Variants in ALDH3B2 observed in about 807,000 individuals in gnomAD.
ALDH3B2 encodes aldehyde dehydrogenase family 3 member B2.
ALDH3B2 carries 45 observed loss-of-function variants against 36.7 expected under a neutral mutation model. The ratio of observed to expected loss-of-function variants is 1.23; its 90% CI spans 0.97 to 1.57. The LOEUF (loss-of-function observed/expected upper bound fraction) is 1.57, where lower values mean the gene tolerates loss of function less well. Ranked by LOEUF, ALDH3B2 falls within the 40% of genes most tolerant of loss-of-function variation. ALDH3B2 has a pLI of 0.00. For synonymous variants in ALDH3B2, 217 were observed against 226.5 expected (o/e 0.96, Z 0.38); for missense variants, 464 against 513.3 (o/e 0.90, Z 0.93).
At chr11:67,663,335 G>T in exon 10 of ALDH3B2, 1 of 1,614,170 alleles carries the variant, frequency 6.2e-7, no homozygotes, top group Non-Finnish European at 8.5e-7. Flanking sequence ...CGAGCAGGCA[G>T]GTGCGGTGGT....
chr11:67,665,731 A>G (rs575560019), intron 6 of ALDH3B2, 60 bp from the exon 7 acceptor site: 2 of 1,544,426 alleles, frequency 1.3e-6, no homozygotes, highest in Admixed American at 2.0e-5. Context: ...AGGATGGCCC[A>G]GCCCAGAGCC....
At chr11:67,663,060 C>T (rs895598008) in exon 10 of ALDH3B2, 4 of 962,082 alleles carry the variant, frequency 4.2e-6, no homozygotes, top group Non-Finnish European at 6.2e-6. Context: ...CCTTGCTTTG[C>T]AGCCCTGGCA....
intron 8 of ALDH3B2, 162 bp downstream of exon 8, chr11:67,664,234 G>C (rs1855832754): frequency 8.7e-7 from 1 of 1,154,900 alleles, no homozygotes; most frequent in South Asian, 1.4e-5. Flanking sequence ...CTCTCTGCCA[G>C]GCATCCTTGC....
At chr11:67,672,370 G>C (rs1466709783) in intron 1 of ALDH3B2, among the ~76,000 whole-genome samples, 1 of 151,138 alleles carries the variant, frequency 6.6e-6, no homozygotes, top group African/African-American at 2.4e-5. Context: ...GGTCAGGCTG[G>C]TCTCAAACTC....
In ALDH3B2 at chr11:67,663,655, G is replaced by T; in HGVS notation, c.973+7C>A. The T allele has an allele frequency of 6.2e-7, 1 of 1,606,720 alleles. No homozygotes were observed. Among genetic ancestry groups the T allele is most frequent in the Non-Finnish European group, 8.5e-7 (1 of 1,174,434 alleles). On this transcript the variant is annotated splice_region_variant and intron_variant, in intron 9 of 9. Coordinates refer to ENST00000349015, the Ensembl canonical transcript of ALDH3B2. ...TTCCCTAGGGGTGGAAATGGGCAGG[G>T]ACCCACCGACTCCCCCGAATGGCAC... is the stretch of plus-strand genomic sequence containing the variant.
chr11:67,666,818 G>T, intron 3 of ALDH3B2, 88 bp downstream of exon 3: 3 of 1,609,142 alleles, frequency 1.9e-6, no homozygotes, highest in Non-Finnish European at 2.6e-6. Flanking sequence ...TCAGTGACTC[G>T]CCCGGGGCCT....
Position 67,663,374 on chromosome 11 carries a change from G to A in ALDH3B2, c.999C>T (p.His333=), listed in dbSNP as rs749130720. ...AGAAGGTGTCGAAGGTGAACTTGCC[G>A]TGGTACCGGCCCATCCCACTGTGGC... is the stretch of plus-strand genomic sequence containing the variant. The change falls in exon 10 of 10, where the codon CAC becomes CAT. Residue 333 remains histidine, a synonymous_variant. Transcript: ENST00000349015. 1.5e-5 allele frequency: 25 copies of A among 1,613,122 alleles called. No homozygotes were observed. The East Asian group carries it at 1.6e-4, about 10-fold the overall frequency.
rs75775575 is a variant in ALDH3B2, at chr11:67,670,854, C to A, written c.-244-3219G>T. On this transcript the variant is annotated intron_variant, in intron 1 of 9. Coordinates refer to ENST00000349015, the Ensembl canonical transcript of ALDH3B2. ...GGAGGACGCAGCATACAGGGCTCTGCAAATATTCATCTACTGTCTTTGCTC... is the reference window on the plus strand; with the variant it reads ...GGAGGACGCAGCATACAGGGCTCTGAAAATATTCATCTACTGTCTTTGCTC... Among the ~76,000 whole-genome samples the A allele has an allele frequency of 1.8e-3, 277 of 152,326 alleles. 2 individuals are homozygous for A. The highest frequency in any genetic ancestry group is 0.016 in the East Asian group (85 of 5,184).
At chr11:67,662,815 A>ATCTC in exon 10 of ALDH3B2, 1 of 215,080 alleles carries the variant, frequency 4.6e-6, no homozygotes, top group Admixed American at 5.2e-5. Flanking sequence ...GTGTGCCTAG[A>ATCTC]GGGGAGAGCA....
intron 1 of ALDH3B2, among the ~76,000 whole-genome samples, chr11:67,673,419 G>A (rs534427118): frequency 1.3e-5 from 2 of 152,176 alleles, no homozygotes; most frequent in South Asian, 2.1e-4. Context: ...GGTGGGCCAG[G>A]GCTTCTTCCA....
At chr11:67,664,020 C>T (rs571006375) in intron 8 of ALDH3B2, among the ~76,000 whole-genome samples, 5 of 152,268 alleles carry the variant, frequency 3.3e-5, no homozygotes, top group South Asian at 4.1e-4. Context: ...TGAGTCGCGA[C>T]GGTGAGGTTA....
chr11:67,663,054 G>C (rs1855788019), exon 10 of ALDH3B2: 6 of 920,726 alleles, frequency 6.5e-6, no homozygotes, highest in Non-Finnish European at 8.2e-6. Flanking sequence ...GCAAGACCTT[G>C]CTTTGCAGCC....
chr11:67,667,099 C>T (rs1361878716), intron 2 of ALDH3B2, 83 bp from the exon 3 acceptor site: 6 of 722,264 alleles, frequency 8.3e-6, no homozygotes, highest in South Asian at 3.4e-5. Context: ...CACACGCAGG[C>T]ACCACCACCA....
upstream of ALDH3B2, chr11:67,674,684 C>T (rs1242618384): frequency 6.6e-6 from 1 of 152,536 alleles, no homozygotes; most frequent in East Asian, 1.9e-4. Context: ...TCCCAATTCC[C>T]ATGCCTACCC....
At chr11:67,664,120 G>T in intron 8 of ALDH3B2, 1 of 581,656 alleles carries the variant, frequency 1.7e-6, no homozygotes. Flanking sequence ...TCCATTCCGG[G>T]CCTCTGCTTG....
chr11:67,670,806 G>A (rs1166148670), intron 1 of ALDH3B2, among the ~76,000 whole-genome samples: 2 of 152,158 alleles, frequency 1.3e-5, no homozygotes, highest in Non-Finnish European at 2.9e-5. Context: ...TCAGTGTGCG[G>A]CCCCCCTGCA....
intron 1 of ALDH3B2, chr11:67,668,037 C>T (rs766209832): frequency 6.5e-6 from 1 of 152,928 alleles, no homozygotes; most frequent in East Asian, 1.9e-4. Context: ...CACCCCTACA[C>T]CCAGACCACT....
At chr11:67,665,769 C>T (rs542899230) in intron 6 of ALDH3B2, 98 bp from the exon 7 acceptor site, 375 of 1,498,416 alleles carry the variant, frequency 2.5e-4, no homozygotes, top group Non-Finnish European at 3.0e-4. Context: ...GTGTTGGAGT[C>T]GGCGGGCTTC....
upstream of ALDH3B2, among the ~76,000 whole-genome samples, chr11:67,675,147 G>A (rs543853599): frequency 3.2e-4 from 48 of 152,352 alleles, no homozygotes; most frequent in South Asian, 9.3e-3. Context: ...GATCTTTGCA[G>A]AGAGACCCTT....
Sources: allele counts gnomAD v4.1 joint callset (sites outside exome capture counted in the v4.1 genomes callset), GRCh38; gene constraint gnomAD v4.1.1; transcripts MANE v1.5; gene names NCBI Gene and HGNC (gene_info 2026-07-23, HGNC 2026-07-21).